The following RBFOX1 variants were observed in gnomAD, a reference collection of about 807,000 sequenced individuals.
RBFOX1 encodes RNA binding fox-1 homolog 1.
RBFOX1 carries 8 observed loss-of-function variants against 57.7 expected under a neutral mutation model. The observed-to-expected ratio is 0.14, with a 90% CI of 0.08 to 0.25. The LOEUF is 0.25. RBFOX1 is among the 10% of genes least tolerant of loss of function. The pLI is 1.00. For missense variants in RBFOX1, 611 were observed against 548.5 expected (o/e 1.11, Z -1.14); for synonymous variants, 326 against 222.4 (o/e 1.47, Z -4.15).
intron 3 of RBFOX1, among the ~76,000 whole-genome samples, chr16:6,843,223 C>T (rs868022164): frequency 1.3e-5 from 2 of 151,980 alleles, no homozygotes; most frequent in African/African-American, 4.8e-5. Context: ...GTGAAAATCT[C>T]TTTATTTCTG....
chr16:7,096,614 C>T (rs151108532), intron 4 of RBFOX1, among the ~76,000 whole-genome samples: 2 of 152,020 alleles, frequency 1.3e-5, no homozygotes, highest in Non-Finnish European at 2.9e-5. Context: ...CTGTTTGGAT[C>T]TAGGAGTGGA....
chr16:6,536,738 T>A, intron 2 of RBFOX1, among the ~76,000 whole-genome samples: 1 of 152,048 alleles, frequency 6.6e-6, no homozygotes, highest in Admixed American at 6.6e-5. Context: ...GGCTTCTAAG[T>A]GGAAAGGTTT....
chr16:6,462,355 C>A (rs1307850954), intron 2 of RBFOX1, among the ~76,000 whole-genome samples: 2 of 152,146 alleles, frequency 1.3e-5, no homozygotes, highest in East Asian at 1.9e-4. Context: ...GCCTCATCCT[C>A]CGCCTTTTAT....
chr16:7,577,113 C>T (rs542808680), intron 5 of RBFOX1, among the ~76,000 whole-genome samples: 3 of 152,320 alleles, frequency 2.0e-5, no homozygotes, highest in South Asian at 2.1e-4. Flanking sequence ...ATTGATTGTA[C>T]ACTTCTTCAT....
chr16:6,126,936 A>G (rs1332414376), intron 1 of RBFOX1, among the ~76,000 whole-genome samples: 1 of 152,218 alleles, frequency 6.6e-6, no homozygotes, highest in African/African-American at 2.4e-5. Context: ...GGTACTAGGA[A>G]AAAAATCAAT....
chr16:7,593,166 G>T (rs2094529386), intron 7 of RBFOX1, among the ~76,000 whole-genome samples: 1 of 152,046 alleles, frequency 6.6e-6, no homozygotes, highest in South Asian at 2.1e-4. Flanking sequence ...GAGAGGTCAT[G>T]GAAATCAAAT....
At chr16:7,431,174 C>G (rs548561336) in intron 4 of RBFOX1, 1 of 152,230 alleles carries the variant, frequency 6.6e-6, no homozygotes, top group South Asian at 2.1e-4. Flanking sequence ...TCGTTTGATT[C>G]CTTACCTTAA....
chr16:7,362,116 T>C (rs1378897795), intron 4 of RBFOX1, among the ~76,000 whole-genome samples: 1 of 151,978 alleles, frequency 6.6e-6, no homozygotes, highest in Non-Finnish European at 1.5e-5. Context: ...TGTGTATGTG[T>C]GTGGATGTTT....
Position 5,855,370 on chromosome 16 carries a change from T to G in RBFOX1, c.319-11933T>G, listed in dbSNP as rs567089246. Among the ~76,000 whole-genome samples the G allele has an allele frequency of 1.1e-4, 17 of 152,322 alleles. No homozygotes were observed. In the East Asian group the frequency reaches 3.1e-3, roughly 28 times the overall value. ...TTACGGTTCAAGTCTTATGTTTGAG[T>G]CTTTAATCCATTTTGAGTAGGTTAT... is the stretch of plus-strand genomic sequence containing the variant. On this transcript the variant is annotated intron_variant, in intron 3 of 19. Coordinates refer to the RBFOX1 transcript ENST00000641259.
At chr16:6,997,694 A>T (rs1303243540) in intron 3 of RBFOX1, among the ~76,000 whole-genome samples, 1 of 152,112 alleles carries the variant, frequency 6.6e-6, no homozygotes, top group African/African-American at 2.4e-5. Context: ...ACAGAAGAAA[A>T]CTTTTGGTTA....
At chr16:7,051,311 C>A (rs951333920) in intron 3 of RBFOX1, among the ~76,000 whole-genome samples, 48 of 152,164 alleles carry the variant, frequency 3.2e-4, no homozygotes, top group Admixed American at 3.3e-4. Context: ...TACGACTCCA[C>A]CCATCCCCTT....
intron 2 of RBFOX1, among the ~76,000 whole-genome samples, chr16:6,333,916 T>C (rs895807543): frequency 3.9e-5 from 6 of 152,158 alleles, no homozygotes; most frequent in Admixed American, 1.3e-4. Flanking sequence ...TGCTAACTCA[T>C]AGAAGGGCAT....
intron 1 of RBFOX1, among the ~76,000 whole-genome samples, chr16:6,142,583 T>C (rs992027837): frequency 6.6e-6 from 1 of 152,118 alleles, no homozygotes; most frequent in African/African-American, 2.4e-5. Flanking sequence ...AAGATAACTT[T>C]CAGGAAGGCA....
chr16:7,602,705 T>A (rs2095098426), intron 9 of RBFOX1, among the ~76,000 whole-genome samples: 1 of 152,066 alleles, frequency 6.6e-6, no homozygotes, highest in Non-Finnish European at 1.5e-5. Context: ...GTGGAGGCGA[T>A]TTTCAAGGGC....
chr16:6,423,762 G>T (rs963413256), intron 2 of RBFOX1, among the ~76,000 whole-genome samples: 2 of 152,108 alleles, frequency 1.3e-5, no homozygotes, highest in Non-Finnish European at 2.9e-5. Context: ...CCAGATGAGA[G>T]TTCAGCTACG....
intron 4 of RBFOX1, among the ~76,000 whole-genome samples, chr16:7,129,755 A>C (rs1021462138): frequency 1.3e-5 from 2 of 150,282 alleles, no homozygotes; most frequent in Non-Finnish European, 3.0e-5. Context: ...ACCAGGAGAC[A>C]CGACAACTCC....
At chr16:7,066,616 TTTTG>T (rs1316187313) in intron 4 of RBFOX1, among the ~76,000 whole-genome samples, 3 of 152,198 alleles carry the variant, frequency 2.0e-5, no homozygotes, top group African/African-American at 7.2e-5. Context: ...CGGGGGGTGT[TTTTG>T]TTAAAAGTGT....
chr16:6,660,143 G>A (rs1170677144), intron 3 of RBFOX1, among the ~76,000 whole-genome samples: 1 of 151,480 alleles, frequency 6.6e-6, no homozygotes, highest in African/African-American at 2.4e-5. Context: ...AGAATTGCTT[G>A]AACCTGGGAG....
chr16:7,467,576 T>C (rs1258017827), intron 4 of RBFOX1, among the ~76,000 whole-genome samples: 2 of 152,202 alleles, frequency 1.3e-5, no homozygotes, highest in African/African-American at 4.8e-5. Flanking sequence ...GCTCTGTCAT[T>C]TAGTAGCTGT....
Sources: allele counts gnomAD v4.1 joint callset (sites outside exome capture counted in the v4.1 genomes callset), GRCh38; gene constraint gnomAD v4.1.1; transcripts MANE v1.5; gene names NCBI Gene and HGNC (gene_info 2026-07-23, HGNC 2026-07-21).